The following KYNU variants were observed in gnomAD, a reference collection of about 807,000 sequenced individuals.
KYNU encodes the protein kynureninase.
A neutral mutation model predicts 59.2 loss-of-function variants in KYNU; 54 were observed. The observed-to-expected ratio is 0.91, with a 90% CI of 0.73 to 1.14. KYNU has a LOEUF of 1.14. Among genes scored for constraint, KYNU ranks in the 50% most tolerant of loss-of-function variants. The probability of loss-of-function intolerance (pLI) is 0.00; values close to 1 mark genes in which losing one functional copy is unlikely to be tolerated. For synonymous variants in KYNU, 177 were observed against 192.0 expected (o/e 0.92, Z 0.65); for missense variants, 567 against 554.4 (o/e 1.02, Z -0.23).
At chr2:142,960,798 C>T (rs755734251) in intron 8 of KYNU, 28 bp downstream of exon 8, 1 of 1,610,598 alleles carries the variant, frequency 6.2e-7, no homozygotes, top group Non-Finnish European at 8.5e-7. Flanking sequence ...TTCTTCCCAC[C>T]TTACTCCAAA....
At chr2:142,916,826 A>C (rs1682681887) in intron 2 of KYNU, among the ~76,000 whole-genome samples, 2 of 152,238 alleles carry the variant, frequency 1.3e-5, no homozygotes, top group South Asian at 4.1e-4. Flanking sequence ...AAGCATTGTG[A>C]CTTAACCAAA....
At chr2:142,921,517 G>A (rs1337879985) in intron 3 of KYNU, among the ~76,000 whole-genome samples, 2 of 151,930 alleles carry the variant, frequency 1.3e-5, no homozygotes, top group Non-Finnish European at 2.9e-5. Context: ...ACCAGCCTGA[G>A]CAACAAAGAG....
chr2:143,053,909 C>A lies in KYNU; in HGVS notation c.*11737C>A, dbSNP rs1350111317. 1.3e-5 allele frequency: 2 copies of A among 152,102 alleles called. No homozygotes were observed. The highest frequency in any genetic ancestry group is 4.8e-5 in the African/African-American group (2 of 41,416). The allele number at this position is 152,102 out of a possible 1,614,324, so 9.4% of individuals were successfully genotyped here. A position where few individuals can be genotyped will look rare whatever the true frequency, so the allele number is the denominator to read the frequency against. ...CAGTCTTGTGGAACTGAGCCCTTAA[C>A]CTGTGGGGTTGAATGATATCTCCAG... On this transcript the variant is annotated 3_prime_UTR_variant, in exon 14 of 14. Transcript: ENST00000264170.
intron 2 of KYNU, among the ~76,000 whole-genome samples, chr2:142,890,225 G>A (rs957293556): frequency 3.0e-4 from 45 of 152,042 alleles, no homozygotes; most frequent in African/African-American, 1.1e-3. Flanking sequence ...GAAATGCAAG[G>A]CATACATGTG....
intron 12 of KYNU, among the ~76,000 whole-genome samples, chr2:143,040,185 C>T (rs1687000534): frequency 6.6e-6 from 1 of 151,996 alleles, no homozygotes; most frequent in Non-Finnish European, 1.5e-5. Context: ...ACATTTTCTT[C>T]CTTTGCAAGT....
chr2:143,034,640 A>G (rs1686841777), intron 12 of KYNU, among the ~76,000 whole-genome samples: 1 of 152,228 alleles, frequency 6.6e-6, no homozygotes, highest in Admixed American at 6.5e-5. Flanking sequence ...CACAGTAACG[A>G]GATTTTTCAG....
intron 8 of KYNU, among the ~76,000 whole-genome samples, chr2:142,962,954 A>G (rs189423548): frequency 6.6e-6 from 1 of 152,288 alleles, no homozygotes; most frequent in African/African-American, 2.4e-5. Flanking sequence ...AGAGATAGGA[A>G]ATTCTAAGAA....
At chr2:142,980,703 C>T (rs1685028300) in intron 8 of KYNU, among the ~76,000 whole-genome samples, 1 of 152,050 alleles carries the variant, frequency 6.6e-6, no homozygotes, top group Non-Finnish European at 1.5e-5. Flanking sequence ...CTGAACAATG[C>T]TGTGCTGGTT....
intron 8 of KYNU, among the ~76,000 whole-genome samples, chr2:142,968,986 A>T (rs778738246): frequency 3.3e-5 from 5 of 152,232 alleles, no homozygotes; most frequent in Non-Finnish European, 5.9e-5. Context: ...ATGAAAGGAC[A>T]GATCCATTTC....
At chr2:142,952,419 GT>G (rs1684021696) in intron 4 of KYNU, among the ~76,000 whole-genome samples, 1 of 151,818 alleles carries the variant, frequency 6.6e-6, no homozygotes, top group Non-Finnish European at 1.5e-5. Flanking sequence ...TTGTTTGTTT[GT>G]TTTCTTATTT....
At chr2:142,919,047 T>C (rs964243295) in intron 3 of KYNU, among the ~76,000 whole-genome samples, 5 of 152,234 alleles carry the variant, frequency 3.3e-5, no homozygotes, top group South Asian at 2.1e-4. Flanking sequence ...GTTTAGGGAA[T>C]AGTGACGAGA....
chr2:142,948,362 G>A (rs2105068353), intron 4 of KYNU, among the ~76,000 whole-genome samples: 1 of 152,306 alleles, frequency 6.6e-6, no homozygotes, highest in South Asian at 2.1e-4. Flanking sequence ...TTGATCATCT[G>A]ACCAGATCAC....
At chr2:142,891,052 A>G (rs1169521189) in intron 2 of KYNU, among the ~76,000 whole-genome samples, 3 of 152,192 alleles carry the variant, frequency 2.0e-5, no homozygotes, top group Non-Finnish European at 4.4e-5. Flanking sequence ...CAGTTAATAT[A>G]GCTGGCTAAT....
At chr2:142,941,293 G>C (rs1453733880) in intron 4 of KYNU, among the ~76,000 whole-genome samples, 3 of 152,024 alleles carry the variant, frequency 2.0e-5, no homozygotes, top group Admixed American at 2.0e-4. Context: ...AATATCCAAG[G>C]GTTTTAGCAG....
chr2:143,038,526 A>G (rs1686950542), intron 12 of KYNU, among the ~76,000 whole-genome samples: 1 of 152,088 alleles, frequency 6.6e-6, no homozygotes, highest in African/African-American at 2.4e-5. Context: ...TTGGAGCACT[A>G]TTATTTGTAC....
Position 143,012,202 on chromosome 2 carries a change from C to T in KYNU, c.903-17425C>T, listed in dbSNP as rs2105204597. On this transcript the variant is annotated intron_variant, in intron 10 of 13. Transcript: ENST00000264170. The stretch of plus-strand genomic sequence containing the variant: ...CAGCTATCTCAGAAGGGGCTCTGGA[C>T]CAGGCACGATGACTCACGCCTGTAA... Among the ~76,000 whole-genome samples the T allele has an allele frequency of 1.3e-5, 2 of 152,234 alleles. 1 individual carries two copies. The highest frequency in any genetic ancestry group is 4.8e-5 in the African/African-American group (2 of 41,564).
chr2:143,047,710 T>A lies in KYNU; in HGVS notation c.*5538T>A, dbSNP rs934616876. 6.6e-6 allele frequency: 1 copy of A among 152,138 alleles called. No individual in the cohort carries two copies. The highest frequency in any genetic ancestry group is 1.5e-5 in the Non-Finnish European group (1 of 68,162). 9.4% of individuals were successfully genotyped at this position (152,138 alleles called of 1,614,324 possible). A position where few individuals can be genotyped will look rare whatever the true frequency, so the allele number is the denominator to read the frequency against. ...CTGGGACTACAGGCACATGCCACGA[T>A]GCCAAGCTAATTTTTAAAAATAATT... is the stretch of plus-strand genomic sequence containing the variant. On this transcript the variant is annotated 3_prime_UTR_variant, in exon 14 of 14. Coordinates refer to ENST00000264170, the MANE Select transcript of KYNU (RefSeq NM_003937.3).
At chr2:142,894,739 G>A (rs1681814708) in intron 2 of KYNU, among the ~76,000 whole-genome samples, 1 of 152,174 alleles carries the variant, frequency 6.6e-6, no homozygotes, top group African/African-American at 2.4e-5. Flanking sequence ...CATATATAGA[G>A]AGAGATGGAA....
intron 8 of KYNU, among the ~76,000 whole-genome samples, chr2:142,975,518 A>G (rs1377990434): frequency 6.6e-6 from 1 of 152,188 alleles, no homozygotes; most frequent in African/African-American, 2.4e-5. Context: ...TTGGCCATCC[A>G]TGGAAGGCAA....
Sources: allele counts gnomAD v4.1 joint callset (sites outside exome capture counted in the v4.1 genomes callset), GRCh38; gene constraint gnomAD v4.1.1; transcripts MANE v1.5; gene names NCBI Gene and HGNC (gene_info 2026-07-23, HGNC 2026-07-21).